Variants in DLGAP2 observed in about 807,000 individuals in gnomAD.
DLGAP2 encodes the protein DLG associated protein 2.
A neutral mutation model predicts 100.3 loss-of-function variants in DLGAP2; 26 were observed. The observed-to-expected ratio is 0.26, with a 90% CI of 0.19 to 0.36. DLGAP2 has a LOEUF of 0.36. Among genes scored for constraint, DLGAP2 ranks in the 10% least tolerant of loss-of-function variants. The probability of loss-of-function intolerance (pLI) is 1.00; values close to 1 mark genes in which losing one functional copy is unlikely to be tolerated. For synonymous variants in DLGAP2, 886 were observed against 630.1 expected (o/e 1.41, Z -6.08); for missense variants, 1,858 against 1,453.2 (o/e 1.28, Z -4.53).
At chr8:1,575,175 C>G (rs1802914640) in intron 6 of DLGAP2, among the ~76,000 whole-genome samples, 1 of 152,166 alleles carries the variant, frequency 6.6e-6, no homozygotes, top group Admixed American at 6.5e-5. Flanking sequence ...CATCCACTCA[C>G]CCTTTGATGA....
chr8:1,133,585 G>T (rs766032783), intron 2 of DLGAP2, among the ~76,000 whole-genome samples: 15 of 151,998 alleles, frequency 9.9e-5, no homozygotes, highest in Non-Finnish European at 1.8e-4. Context: ...AGTTAAGAAG[G>T]GCCTGGACAC....
At position 1,039,526 on chromosome 8, in the gene DLGAP2, CTCGGTGTGCGTGG is replaced by C. The variant is rs1402980334; in HGVS notation, c.73+131563_73+131575del. Among the ~76,000 whole-genome samples, 130 of 128,770 alleles carry C rather than the reference CTCGGTGTGCGTGG, an allele frequency of 1.0e-3. 5 individuals are homozygous for C. Among genetic ancestry groups the C allele is most frequent in the African/African-American group, 3.8e-3 (123 of 31,978 alleles). 84.5% of individuals were successfully genotyped at this position (128,770 alleles called of 152,430 possible). On this transcript the variant is annotated intron_variant, in intron 2 of 14. Coordinates refer to ENST00000637795, the MANE Select transcript of DLGAP2 (RefSeq NM_001346810.2). ...TGGTCGGCTCGGTGTGCATGTTCAGCTCGGTGTGCGTGGTCAGCTTGGTGTGCGTGGTCAGCTT... is the reference window on the plus strand; with the variant it reads ...TGGTCGGCTCGGTGTGCATGTTCAGCTCAGCTTGGTGTGCGTGGTCAGCTT...
At chr8:1,537,138 G>A (rs6558480) in intron 4 of DLGAP2, among the ~76,000 whole-genome samples, 145,994 of 152,148 alleles carry the variant, frequency 0.96, 70,106 homozygotes, top group East Asian at 1. Flanking sequence ...CTGCAGCTCT[G>A]CAGCCTGGCT....
intron 1 of DLGAP2, among the ~76,000 whole-genome samples, chr8:759,213 C>G (rs1821008353): frequency 7.1e-6 from 1 of 141,690 alleles, no homozygotes; most frequent in Non-Finnish European, 1.5e-5. Flanking sequence ...ATCAATACCC[C>G]CCACAGCCTT....
At chr8:1,510,667 C>T (rs955948218) in intron 4 of DLGAP2, among the ~76,000 whole-genome samples, 1 of 152,184 alleles carries the variant, frequency 6.6e-6, no homozygotes, top group Non-Finnish European at 1.5e-5. Context: ...GAAACTGAGG[C>T]ACAGAGAGAG....
At chr8:808,013 A>G (rs1796300823) in intron 1 of DLGAP2, among the ~76,000 whole-genome samples, 1 of 152,188 alleles carries the variant, frequency 6.6e-6, no homozygotes, top group African/African-American at 2.4e-5. Context: ...GTGCAGGTCC[A>G]AGGCAGAAGA....
intron 12 of DLGAP2, among the ~76,000 whole-genome samples, chr8:1,686,993 A>C (rs1799133082): frequency 6.6e-6 from 1 of 152,184 alleles, no homozygotes; most frequent in African/African-American, 2.4e-5. Flanking sequence ...AATAATATGT[A>C]CAACTGTGAT....
At chr8:1,333,801 G>A (rs1266877618) in intron 3 of DLGAP2, among the ~76,000 whole-genome samples, 1 of 152,186 alleles carries the variant, frequency 6.6e-6, no homozygotes, top group Non-Finnish European at 1.5e-5. Flanking sequence ...ACACAGGGTG[G>A]TCCATCTCCA....
intron 1 of DLGAP2, among the ~76,000 whole-genome samples, chr8:747,011 G>A (rs1011921878): frequency 6.6e-6 from 1 of 152,096 alleles, no homozygotes; most frequent in African/African-American, 2.4e-5. Flanking sequence ...GTCCGAGCCA[G>A]TGGCTAGGAA....
rs7833911 is a variant in DLGAP2, at chr8:1,376,112, A to G, written c.106+117229A>G. 2.8e-3 allele frequency among the ~76,000 whole-genome samples: 337 copies of G among 121,812 alleles called. 3 individuals carry two copies. Among genetic ancestry groups the G allele is most frequent in the African/African-American group, 5.1e-3 (155 of 30,566 alleles). 79.9% of individuals were successfully genotyped at this position (121,812 alleles called of 152,430 possible). ...TTTGGGTTAACGACACCTCTCCACG[A>G]CCTCAGAACTGAGCCCCCACCTCCT... On this transcript the variant is annotated intron_variant, in intron 3 of 14. Coordinates refer to ENST00000637795, the MANE Select transcript of DLGAP2 (RefSeq NM_001346810.2).
At chr8:1,176,254 A>G (rs1038693652) in intron 2 of DLGAP2, among the ~76,000 whole-genome samples, 3 of 152,134 alleles carry the variant, frequency 2.0e-5, no homozygotes, top group African/African-American at 7.2e-5. Flanking sequence ...CCTCGTGAGA[A>G]TTCCCTCATT....
rs748732942 is a variant in DLGAP2, at chr8:1,626,811, C to G, written c.1514C>G (p.Ser505Cys). The change falls in exon 7 of 15, where the codon TCC becomes TGC. Residue 505 changes from serine (S) to cysteine (C), a missense_variant. Physicochemically the swap from Ser to Cys is moderately radical, Grantham distance 112. Transcript: ENST00000637795. ...CTGGACCCCGCTGCGAACTACAACTCCCCGAAATTCCGCTCCCGGAACCAG... is the reference window on the plus strand; with the variant it reads ...CTGGACCCCGCTGCGAACTACAACTGCCCGAAATTCCGCTCCCGGAACCAG... ...HSLDPAANYN[S>C]PKFRSRNQSY... The G allele has an allele frequency of 1.1e-5, 17 of 1,604,656 alleles. No individual in the cohort carries two copies. The highest frequency in any genetic ancestry group is 1.4e-5 in the Non-Finnish European group (17 of 1,175,984).
intron 12 of DLGAP2, among the ~76,000 whole-genome samples, chr8:1,689,833 C>G (rs527982099): frequency 6.6e-6 from 1 of 152,190 alleles, no homozygotes; most frequent in African/African-American, 2.4e-5. Context: ...CCTGGCCCCA[C>G]GTGCTGACCC....
chr8:1,512,996 T>C (rs958474744), intron 4 of DLGAP2, among the ~76,000 whole-genome samples: 4 of 152,114 alleles, frequency 2.6e-5, no homozygotes, highest in Non-Finnish European at 5.9e-5. Flanking sequence ...ATCAGTGGGA[T>C]AAGCATCTGC....
chr8:1,489,526 C>T (rs1258868555), intron 3 of DLGAP2, among the ~76,000 whole-genome samples: 1 of 152,184 alleles, frequency 6.6e-6, no homozygotes, highest in Non-Finnish European at 1.5e-5. Flanking sequence ...AAAAGGAAGA[C>T]AATTCAGATA....
chr8:862,569 A>AG (rs1797413884), intron 1 of DLGAP2, among the ~76,000 whole-genome samples: 1 of 152,252 alleles, frequency 6.6e-6, no homozygotes, highest in South Asian at 2.1e-4. Context: ...CTGGGATTAT[A>AG]GGGGTGAGCT....
intron 2 of DLGAP2, among the ~76,000 whole-genome samples, chr8:1,116,705 G>A (rs556230774): frequency 5.3e-5 from 8 of 152,152 alleles, no homozygotes; most frequent in Non-Finnish European, 1.0e-4. Flanking sequence ...GCTCTCAGAG[G>A]TGGAAGGATT....
At chr8:1,320,868 C>T (rs771540299) in intron 3 of DLGAP2, among the ~76,000 whole-genome samples, 1 of 151,960 alleles carries the variant, frequency 6.6e-6, no homozygotes, top group Non-Finnish European at 1.5e-5. Flanking sequence ...TGTTTGCATT[C>T]GTGTGTGTGT....
chr8:1,614,996 C>T (rs577025592), intron 6 of DLGAP2, among the ~76,000 whole-genome samples: 12 of 152,342 alleles, frequency 7.9e-5, no homozygotes, highest in African/African-American at 2.6e-4. Context: ...TGAGCACCCT[C>T]GCTACCTGCT....
Sources: allele counts gnomAD v4.1 joint callset (sites outside exome capture counted in the v4.1 genomes callset), GRCh38; gene constraint gnomAD v4.1.1; transcripts MANE v1.5; gene names NCBI Gene and HGNC (gene_info 2026-07-23, HGNC 2026-07-21).